The following TENM2 variants were observed in gnomAD, a reference collection of about 807,000 sequenced individuals.
TENM2 encodes teneurin transmembrane protein 2, also known as teneurin-2.
Under a neutral mutation model 245.2 loss-of-function variants are expected in TENM2, and 52 were observed. That is an observed-to-expected ratio of 0.21 (90% CI 0.17 to 0.27). The LOEUF (loss-of-function observed/expected upper bound fraction) is 0.27. Ranked by LOEUF, TENM2 falls within the 10% of genes least tolerant of loss-of-function variation. The pLI, the probability that TENM2 is intolerant of heterozygous loss-of-function variation, is 1.00. For missense variants in TENM2, 3,046 were observed against 3,666.8 expected, an observed-to-expected ratio of 0.83 and a Z score of 4.37; for synonymous variants, 1,363 against 1,438.9, an observed-to-expected ratio of 0.95 and a Z score of 1.19.
the TENM2 span, among the ~76,000 whole-genome samples, chr5:167,212,717 T>C: frequency 1.3e-5 from 2 of 152,214 alleles, no homozygotes; most frequent in Non-Finnish European, 2.9e-5. Context: ...AAGCCTTTCA[T>C]TGAAGGATTT....
At chr5:167,042,534 G>T in the TENM2 span, among the ~76,000 whole-genome samples, 1 of 152,120 alleles carries the variant, frequency 6.6e-6, no homozygotes, top group Non-Finnish European at 1.5e-5. Flanking sequence ...ATTTTGGGGG[G>T]AAACTTAGAA....
Position 167,741,579 on chromosome 5 carries a change from C to T in TENM2, c.503-134407C>T, listed in dbSNP as rs950888008. ...CAAATTCCTCTCAGATCTACAGGTC[C>T]GGGAATGGAGGCCCCTAATCACAGC... On this transcript the variant is annotated intron_variant, in intron 2 of 28. Coordinates refer to ENST00000518659, the Ensembl canonical transcript of TENM2. Among the ~76,000 whole-genome samples, 11 of 152,116 alleles carry T rather than the reference C, an allele frequency of 7.2e-5. No individual in the cohort carries two copies. The East Asian group carries it at 9.6e-4, about 13-fold the overall frequency.
chr5:167,548,768 A>T (rs2127617793), intron 2 of TENM2, among the ~76,000 whole-genome samples: 1 of 152,284 alleles, frequency 6.6e-6, no homozygotes, highest in Admixed American at 6.5e-5. Context: ...ACATACACAC[A>T]CACATGCACA....
chr5:168,218,163 C>A lies in TENM2; in HGVS notation c.4272C>A (p.Pro1424=). The change falls in exon 23 of 29, where the codon CCC becomes CCA. Residue 1424 remains proline, a synonymous_variant. Coordinates refer to ENST00000518659, the Ensembl canonical transcript of TENM2. This position sits in a 1 kb window ranked among gnomAD's most constrained non-coding sequence, Gnocchi z 5.2. ...GGCCAACAGACCTTGCTGTCAATCC[C>A]ATGGATAACTCCTTGTATGTTCTAG... 6.2e-7 allele frequency: 1 copy of A among 1,613,836 alleles called. No homozygotes were observed. Among genetic ancestry groups the A allele is most frequent in the Non-Finnish European group, 8.5e-7 (1 of 1,179,794 alleles).
At chr5:167,091,687 G>T in the TENM2 span, among the ~76,000 whole-genome samples, 34 of 152,196 alleles carry the variant, frequency 2.2e-4, no homozygotes, top group Non-Finnish European at 1.0e-4. Flanking sequence ...ATGAATAAAA[G>T]ACATTATCTT....
At chr5:167,230,766 A>G in the TENM2 span, among the ~76,000 whole-genome samples, 1 of 152,214 alleles carries the variant, frequency 6.6e-6, no homozygotes, top group Non-Finnish European at 1.5e-5. Flanking sequence ...ATCTGTTAGA[A>G]TATAATGTAT....
intron 9 of TENM2, among the ~76,000 whole-genome samples, chr5:168,117,861 C>T (rs1795190935): frequency 6.6e-6 from 1 of 152,168 alleles, no homozygotes; most frequent in African/African-American, 2.4e-5. Flanking sequence ...ATAAGGACGT[C>T]AGTGTCGCTT....
chr5:168,204,874 AC>A (rs1209575909), intron 19 of TENM2, among the ~76,000 whole-genome samples: 1 of 152,252 alleles, frequency 6.6e-6, no homozygotes, highest in Non-Finnish European at 1.5e-5. Context: ...CTGGAGAACA[AC>A]CAAAGCATCT....
intron 13 of TENM2, among the ~76,000 whole-genome samples, chr5:168,167,233 A>G (rs1758380633): frequency 6.6e-6 from 1 of 152,128 alleles, no homozygotes; most frequent in South Asian, 2.1e-4. Flanking sequence ...TATCACCACC[A>G]AGACAGAGGT....
At chr5:167,067,066 A>G in the TENM2 span, among the ~76,000 whole-genome samples, 1 of 152,222 alleles carries the variant, frequency 6.6e-6, no homozygotes, top group Non-Finnish European at 1.5e-5. Flanking sequence ...ATCTAAAACA[A>G]ACATTATTCT....
At chr5:167,481,185 G>A (rs1211408969) in intron 2 of TENM2, among the ~76,000 whole-genome samples, 2 of 152,108 alleles carry the variant, frequency 1.3e-5, no homozygotes. Flanking sequence ...CTATCACATG[G>A]TTGCTGCTGA....
At chr5:167,394,178 A>T (rs1314041446) in intron 2 of TENM2, among the ~76,000 whole-genome samples, 1 of 152,104 alleles carries the variant, frequency 6.6e-6, no homozygotes, top group Non-Finnish European at 1.5e-5. Context: ...CCGTGATGTC[A>T]TGTTCAAGAA....
At chr5:167,097,067 C>A in the TENM2 span, among the ~76,000 whole-genome samples, 1 of 152,130 alleles carries the variant, frequency 6.6e-6, no homozygotes, top group African/African-American at 2.4e-5. Flanking sequence ...GCGTTGTCAT[C>A]CATCTAAATG....
intron 2 of TENM2, among the ~76,000 whole-genome samples, chr5:167,652,107 T>C (rs929848395): frequency 6.6e-6 from 1 of 152,190 alleles, no homozygotes; most frequent in African/African-American, 2.4e-5. Flanking sequence ...GGGTTTTCTT[T>C]TGTTGTAAAG....
chr5:167,753,245 T>C (rs2150659270), intron 2 of TENM2, among the ~76,000 whole-genome samples: 1 of 152,222 alleles, frequency 6.6e-6, no homozygotes, highest in Middle Eastern at 3.4e-3. Context: ...TGCTAAAAAC[T>C]TGGAAGGGTT....
At chr5:167,460,875 G>A (rs1766253554) in intron 2 of TENM2, among the ~76,000 whole-genome samples, 1 of 152,112 alleles carries the variant, frequency 6.6e-6, no homozygotes, top group Non-Finnish European at 1.5e-5. Flanking sequence ...CTTAAGGATT[G>A]TATGATTGGT....
At chr5:167,940,319 A>G (rs1036759957) in intron 3 of TENM2, among the ~76,000 whole-genome samples, 1 of 152,164 alleles carries the variant, frequency 6.6e-6, no homozygotes, top group Admixed American at 6.5e-5. Context: ...GTGTCTACCA[A>G]GTACTCCAAG....
At chr5:167,682,416 G>C (rs1347626860) in intron 2 of TENM2, among the ~76,000 whole-genome samples, 6 of 152,018 alleles carry the variant, frequency 3.9e-5, no homozygotes, top group African/African-American at 1.2e-4. Context: ...GCCCGCCTCA[G>C]CCTCCCAAAC....
chr5:167,582,790 A>G (rs1427881847), intron 2 of TENM2, among the ~76,000 whole-genome samples: 2 of 152,142 alleles, frequency 1.3e-5, no homozygotes, highest in Non-Finnish European at 2.9e-5. Context: ...CAGAACAAAA[A>G]GGTAATTTGT....
Sources: allele counts gnomAD v4.1 joint callset (sites outside exome capture counted in the v4.1 genomes callset), GRCh38; gene constraint gnomAD v4.1.1; non-coding constraint Gnocchi (gnomAD v3.1); transcripts MANE v1.5; gene names NCBI Gene and HGNC (gene_info 2026-07-23, HGNC 2026-07-21).